The following PCSK5 variants were observed in gnomAD, a reference collection of about 807,000 sequenced individuals.
PCSK5 encodes prohormone convertase 5.
Under a neutral mutation model 233.2 loss-of-function variants are expected in PCSK5, and 129 were observed. The ratio of observed to expected loss-of-function variants is 0.55; its 90% CI spans 0.48 to 0.64. PCSK5 has a LOEUF of 0.64. PCSK5 is among the 30% of genes least tolerant of loss of function. The pLI is 0.00. For missense variants in PCSK5, 2,076 were observed against 2,430.1 expected (o/e 0.85, Z 3.06); for synonymous variants, 825 against 879.2 (o/e 0.94, Z 1.09).
rs181813434 is a variant in PCSK5 at position 76,149,502 on chromosome 9, G to A, written c.1313-7543G>A. Among the ~76,000 whole-genome samples the A allele has an allele frequency of 2.1e-3, 318 of 152,302 alleles. 4 individuals are homozygous for A. Among genetic ancestry groups the A allele is most frequent in the Middle Eastern group, 6.8e-3 (2 of 292 alleles). ...ATAAAGAATTATCTAAAAGTAATAT[G>A]TAAATAATCCACAAATAGGAATTTT... On this transcript the variant is annotated intron_variant, in intron 10 of 37. Transcript: ENST00000674117.
rs777693580 is a variant in PCSK5, at chr9:76,238,960, C to A, written c.2868C>A (p.Asp956Glu). 1 of 1,610,934 alleles carries A rather than the reference C, an allele frequency of 6.2e-7. No individual in the cohort carries two copies. Among genetic ancestry groups the A allele is most frequent in the East Asian group, 2.2e-5 (1 of 44,840 alleles). ...TTCGTTGCCCCTGTAACTGATCAGACAACTATGGCCGAGAGCACTTCCTGT... is the reference window on the plus strand; with the variant it reads ...TTCGTTGCCCCTGTAACTGATCAGAAAACTATGGCCGAGAGCACTTCCTGT... The part of the protein sequence containing the change: ...GPTHCTSCGA[D>E]NYGREHFLYQ... Residue 956 changes from aspartate to glutamate, a missense_variant and splice_region_variant, in exon 23 of 38, where the codon GAC becomes GAA. Physicochemically the swap from Asp to Glu is conservative, Grantham distance 45. Transcript: ENST00000674117.
At chr9:76,159,500 A>C (rs1054924167) in intron 12 of PCSK5, among the ~76,000 whole-genome samples, 1 of 152,222 alleles carries the variant, frequency 6.6e-6, no homozygotes, top group African/African-American at 2.4e-5. Context: ...ATCTGTTGTC[A>C]TTCGTTACAG....
At chr9:75,961,261 C>T (rs1323124391) in intron 2 of PCSK5, among the ~76,000 whole-genome samples, 1 of 152,176 alleles carries the variant, frequency 6.6e-6, no homozygotes, top group South Asian at 2.1e-4. Flanking sequence ...ATACAAAATG[C>T]CACTCACTTG....
Position 76,277,277 on chromosome 9 carries a change from C to A in PCSK5, c.3143-14956C>A, listed in dbSNP as rs73462494. The stretch of plus-strand genomic sequence containing the variant: ...TTTTCTTTTTATTATGTCTTCCCCC[C>A]AAAGAATGAAGGCTTCAGAATAAAT... On this transcript the variant is annotated intron_variant, in intron 24 of 37. Coordinates refer to ENST00000674117, the MANE Select transcript of PCSK5 (RefSeq NM_001372043.1). Among the ~76,000 whole-genome samples, 558 of 152,172 alleles carry A rather than the reference C, an allele frequency of 3.7e-3. 3 individuals are homozygous for A. Among genetic ancestry groups the A allele is most frequent in the African/African-American group, 0.013 (529 of 41,496 alleles).
At chr9:75,969,124 GTAGT>G (rs1460835356) in intron 2 of PCSK5, among the ~76,000 whole-genome samples, 4 of 152,136 alleles carry the variant, frequency 2.6e-5, no homozygotes, top group Admixed American at 6.5e-5. Flanking sequence ...ATAAGAAAAA[GTAGT>G]TAGAAAATTG....
intron 10 of PCSK5, among the ~76,000 whole-genome samples, chr9:76,156,532 C>CATAT: frequency 6.6e-6 from 1 of 152,308 alleles, no homozygotes; most frequent in Non-Finnish European, 1.5e-5. Flanking sequence ...TATGAGAAGT[C>CATAT]ATATACATTG....
chr9:76,171,516 T>C (rs1375598759), intron 13 of PCSK5, among the ~76,000 whole-genome samples: 1 of 152,204 alleles, frequency 6.6e-6, no homozygotes, highest in Non-Finnish European at 1.5e-5. Flanking sequence ...CTACTCTCCA[T>C]GATAAGCCCA....
At chr9:76,165,257 A>G (rs956426453) in intron 12 of PCSK5, among the ~76,000 whole-genome samples, 2 of 152,340 alleles carry the variant, frequency 1.3e-5, no homozygotes, top group Non-Finnish European at 2.9e-5. Flanking sequence ...CCTGATGTCT[A>G]GTTCTGTAGT....
intron 10 of PCSK5, among the ~76,000 whole-genome samples, chr9:76,154,340 C>T (rs1186052639): frequency 6.6e-6 from 1 of 152,142 alleles, no homozygotes; most frequent in Admixed American, 6.6e-5. Flanking sequence ...TCTCAAGGTG[C>T]TTTTCTACTT....
intron 3 of PCSK5, among the ~76,000 whole-genome samples, chr9:75,998,677 A>G (rs539944056): frequency 6.6e-6 from 1 of 152,294 alleles, no homozygotes; most frequent in Non-Finnish European, 1.5e-5. Flanking sequence ...TGTAAATATT[A>G]TAGAAATCTT....
intron 24 of PCSK5, among the ~76,000 whole-genome samples, chr9:76,244,184 C>T (rs1826512732): frequency 6.6e-6 from 1 of 152,166 alleles, no homozygotes; most frequent in Admixed American, 6.5e-5. Flanking sequence ...CGTATTCATG[C>T]CACTGCACTC....
At chr9:75,963,291 C>T (rs1228759629) in intron 2 of PCSK5, among the ~76,000 whole-genome samples, 1 of 152,112 alleles carries the variant, frequency 6.6e-6, no homozygotes, top group Non-Finnish European at 1.5e-5. Flanking sequence ...CTTTGGCAGA[C>T]CTGTGGAAAT....
intron 24 of PCSK5, among the ~76,000 whole-genome samples, chr9:76,263,706 C>T (rs1293452908): frequency 6.6e-6 from 1 of 151,628 alleles, no homozygotes; most frequent in African/African-American, 2.4e-5. Flanking sequence ...TGCAGCACAC[C>T]AGCATGGCAC....
chr9:76,319,087 G>C (rs554415350), intron 30 of PCSK5, among the ~76,000 whole-genome samples: 2 of 152,302 alleles, frequency 1.3e-5, no homozygotes, highest in African/African-American at 4.8e-5. Flanking sequence ...AGGAGTTCCT[G>C]ATGACATGTG....
intron 24 of PCSK5, among the ~76,000 whole-genome samples, chr9:76,282,080 A>C (rs1274719087): frequency 4.1e-5 from 3 of 73,432 alleles, no homozygotes; most frequent in Admixed American, 1.5e-4. Context: ...TTTTTTCCCC[A>C]CTCTGTTGCC....
chr9:76,269,350 G>T (rs1216448446), intron 24 of PCSK5, among the ~76,000 whole-genome samples: 1 of 152,122 alleles, frequency 6.6e-6, no homozygotes, highest in Non-Finnish European at 1.5e-5. Context: ...GTTCAGGGGA[G>T]TGAATACAAC....
Position 76,240,428 on chromosome 9 carries a change from A to C in PCSK5, c.3074-188A>C, listed in dbSNP as rs147271125. ...TCTTTGTACCCAATCAAGCTGATTC[A>C]ATCTATTCAATTAATAGAAGGAGAT... On this transcript the variant is annotated intron_variant, in intron 23 of 37. Coordinates refer to ENST00000674117, the MANE Select transcript of PCSK5 (RefSeq NM_001372043.1). Among the ~76,000 whole-genome samples the C allele has an allele frequency of 4.9e-3, 742 of 152,344 alleles. 8 individuals are homozygous for C. The highest frequency in any genetic ancestry group is 0.017 in the African/African-American group (713 of 41,570).
intron 3 of PCSK5, among the ~76,000 whole-genome samples, chr9:76,013,110 G>A (rs1326670489): frequency 6.6e-6 from 1 of 151,946 alleles, no homozygotes; most frequent in Non-Finnish European, 1.5e-5. Flanking sequence ...TTTGTCCTTT[G>A]AGGTATCCAT....
At position 76,361,170 on chromosome 9, in the gene PCSK5, C is replaced by A. The variant is rs1440037148; in HGVS notation, c.*2248C>A. ...TACCAGCTTAGCCAACATGGTGAAACCCCATTTCTACTAAAAATACAATAA... is the reference window on the plus strand; with the variant it reads ...TACCAGCTTAGCCAACATGGTGAAAACCCATTTCTACTAAAAATACAATAA... On this transcript the variant is annotated 3_prime_UTR_variant, in exon 38 of 38. Coordinates refer to ENST00000674117, the MANE Select transcript of PCSK5 (RefSeq NM_001372043.1). 6.6e-6 allele frequency: 1 copy of A among 151,948 alleles called. No individual in the cohort carries two copies. Among genetic ancestry groups the A allele is most frequent in the African/African-American group, 2.4e-5 (1 of 41,334 alleles). 9.4% of individuals were successfully genotyped at this position (151,948 alleles called of 1,614,324 possible).
Sources: gnomAD v4.1 joint callset for allele counts (sites outside exome capture counted in the v4.1 genomes callset) on GRCh38, gnomAD v4.1.1 for gene constraint, MANE v1.5 for transcripts, NCBI Gene and HGNC (gene_info 2026-07-23, HGNC 2026-07-21) for gene names.